Variants in ERI1 observed in about 807,000 individuals in gnomAD.
ERI1 encodes the protein 3'-5' exoribonuclease 1.
In ERI1, 39 loss-of-function variants were observed where a neutral mutation model predicts 39.7. The ratio of observed to expected loss-of-function variants is 0.98; its 90% CI spans 0.76 to 1.28. The LOEUF (loss-of-function observed/expected upper bound fraction) is 1.28. ERI1 is among the 50% of genes most tolerant of loss of function. The pLI is 0.00. For missense variants in ERI1, 581 were observed against 416.9 expected (o/e 1.39, Z -3.43); for synonymous variants, 204 against 149.6 (o/e 1.36, Z -2.65).
intron 6 of ERI1, among the ~76,000 whole-genome samples, chr8:9,023,625 A>G (rs1368484733): frequency 1.3e-5 from 2 of 151,986 alleles, no homozygotes; most frequent in South Asian, 4.1e-4. Flanking sequence ...ATAGATAACT[A>G]TAATGCAATT....
In ERI1 at chr8:9,002,961, C is replaced by T. The variant is rs1225457742; in HGVS notation, c.-103C>T. 2.4e-6 allele frequency: 2 copies of T among 844,858 alleles called. No homozygotes were observed. The highest frequency in any genetic ancestry group is 3.2e-6 in the Non-Finnish European group (2 of 632,138). The allele number at this position is 844,858 out of a possible 1,614,324, so 52.3% of individuals were successfully genotyped here. A position where few individuals can be genotyped will look rare whatever the true frequency, so the allele number is the denominator to read the frequency against. On this transcript the variant is annotated 5_prime_UTR_variant, in exon 1 of 7. Transcript: ENST00000250263. ...GTGGCCGCCGCCGCGGGAACGCGAG[C>T]CCGGTAATTTTTCAACGGAGAAAGG...
chr8:9,020,564 A>C (rs1030185967), intron 6 of ERI1, 100 bp downstream of exon 6: 1 of 713,240 alleles, frequency 1.4e-6, no homozygotes, highest in Non-Finnish European at 2.2e-6. Context: ...TTTTCATGGA[A>C]AAAAGCCATA....
At chr8:9,041,503 G>A (rs1798017371) in intron 3 of ERI1, among the ~76,000 whole-genome samples, 1 of 152,058 alleles carries the variant, frequency 6.6e-6, no homozygotes, top group Admixed American at 6.6e-5. Context: ...TGACTACAAC[G>A]GAATTAAACT....
intron 3 of ERI1, among the ~76,000 whole-genome samples, chr8:9,067,025 A>G (rs1219992411): frequency 1.3e-5 from 2 of 152,184 alleles, no homozygotes; most frequent in African/African-American, 2.4e-5. Context: ...AAACCTGGCC[A>G]AGGCATTTTA....
chr8:9,050,585 G>C (rs967685650), intron 3 of ERI1, among the ~76,000 whole-genome samples: 5 of 152,072 alleles, frequency 3.3e-5, no homozygotes, highest in African/African-American at 9.7e-5. Flanking sequence ...ATTCCTGTCT[G>C]AGTCCTCATT....
At chr8:9,028,098 T>C (rs1471722637) in intron 6 of ERI1, among the ~76,000 whole-genome samples, 2 of 152,210 alleles carry the variant, frequency 1.3e-5, no homozygotes, top group African/African-American at 4.8e-5. Context: ...ATGGAATGAG[T>C]TGGGAAGTAT....
At position 9,015,034 on chromosome 8, in the gene ERI1, A is replaced by T. The variant is rs28484952; in HGVS notation, c.499-1288A>T. On this transcript the variant is annotated intron_variant, in intron 3 of 6. Coordinates refer to ENST00000250263, the MANE Select transcript of ERI1 (RefSeq NM_153332.4). ...TGTATTTTTAGTAGAGACAGGTTTCACCACTTCGGCCAGGCTGGTCTTGAA... is the reference window on the plus strand; with the variant it reads ...TGTATTTTTAGTAGAGACAGGTTTCTCCACTTCGGCCAGGCTGGTCTTGAA... Among the ~76,000 whole-genome samples, 1,201 of 152,164 alleles carry T rather than the reference A, an allele frequency of 7.9e-3. 16 individuals carry two copies. The highest frequency in any genetic ancestry group is 0.028 in the African/African-American group (1,154 of 41,510).
intron 3 of ERI1, chr8:9,049,968 G>T (rs1295379595): frequency 6.6e-6 from 1 of 152,138 alleles, no homozygotes; most frequent in Non-Finnish European, 1.5e-5. Flanking sequence ...CATTTGGCTA[G>T]GATGAGTTCT....
chr8:9,012,618 A>G (rs1004699101), intron 3 of ERI1, among the ~76,000 whole-genome samples: 1 of 152,240 alleles, frequency 6.6e-6, no homozygotes, highest in African/African-American at 2.4e-5. Context: ...AATGGCAGCT[A>G]TGAAGGCAAA....
intron 4 of ERI1, among the ~76,000 whole-genome samples, chr8:9,016,878 G>T (rs1227797050): frequency 1.3e-5 from 2 of 151,942 alleles, no homozygotes; most frequent in Non-Finnish European, 2.9e-5. Context: ...GTAGAGACCT[G>T]GTTTCGCCAT....
intron 3 of ERI1, among the ~76,000 whole-genome samples, chr8:9,045,676 A>ATT (rs34131409): frequency 0.021 from 2,886 of 138,350 alleles, 50 homozygotes; most frequent in Non-Finnish European, 0.034. Context: ...AATCTATAGA[A>ATT]TTTTTTTTTT....
chr8:9,075,678 C>T (rs558529586), intron 3 of ERI1, among the ~76,000 whole-genome samples: 3 of 152,142 alleles, frequency 2.0e-5, no homozygotes, highest in East Asian at 3.9e-4. Flanking sequence ...CAACCACAGA[C>T]AGGTTAACCC....
intron 3 of ERI1, among the ~76,000 whole-genome samples, chr8:9,085,146 C>T (rs1056141409): frequency 3.3e-5 from 5 of 152,148 alleles, no homozygotes; most frequent in Admixed American, 3.3e-4. Flanking sequence ...CAAATTCCAG[C>T]CTGAGGGCTA....
At chr8:9,005,845 T>A (rs58594457) in intron 1 of ERI1, among the ~76,000 whole-genome samples, 6,257 of 152,326 alleles carry the variant, frequency 0.041, 364 homozygotes, top group African/African-American at 0.12. Context: ...CTCTGTTTGG[T>A]ATAGAAGATT....
intron 3 of ERI1, among the ~76,000 whole-genome samples, chr8:9,067,587 C>T (rs1182517391): frequency 4.0e-5 from 6 of 151,520 alleles, no homozygotes; most frequent in Non-Finnish European, 1.5e-5. Flanking sequence ...CCCAGGACCT[C>T]CAGGCTGCAG....
chr8:9,009,569 C>T (rs1036078690), intron 2 of ERI1, among the ~76,000 whole-genome samples: 2 of 152,120 alleles, frequency 1.3e-5, no homozygotes, highest in Admixed American at 6.5e-5. Context: ...GAGACAGAGT[C>T]TTGCTCTGTC....
chr8:9,025,702 TTG>T (rs771883402), intron 6 of ERI1, among the ~76,000 whole-genome samples: 5 of 147,742 alleles, frequency 3.4e-5, no homozygotes, highest in Admixed American at 1.3e-4. Context: ...TCTTTTTTTT[TTG>T]TGTGTGTGTG....
At position 9,004,077 on chromosome 8, in the gene ERI1, C is replaced by G. The variant is rs115387117; in HGVS notation, c.108+906C>G. On this transcript the variant is annotated intron_variant, in intron 1 of 6. Coordinates refer to ENST00000250263, the MANE Select transcript of ERI1 (RefSeq NM_153332.4). ...GTTTTTTCCCTTTTGTTCCCAGTGC[C>G]CCTCGCTGCCTTGTGTTCTTTGACA... 479 of 1,289,220 alleles carry G rather than the reference C, an allele frequency of 3.7e-4. 4 individuals carry two copies. The African/African-American group carries it at 7.0e-3, about 19-fold the overall frequency. The allele number at this position is 1,289,220 out of a possible 1,614,324, so 79.9% of individuals were successfully genotyped here. A position where few individuals can be genotyped will look rare whatever the true frequency, so the allele number is the denominator to read the frequency against.
chr8:9,003,807 A>G (rs1815642431), intron 1 of ERI1, among the ~76,000 whole-genome samples: 1 of 152,246 alleles, frequency 6.6e-6, no homozygotes, highest in African/African-American at 2.4e-5. Context: ...ATTGTAAGTG[A>G]TTGAATACTA....
Sources: allele counts gnomAD v4.1 joint callset (sites outside exome capture counted in the v4.1 genomes callset), GRCh38; gene constraint gnomAD v4.1.1; transcripts MANE v1.5; gene names NCBI Gene and HGNC (gene_info 2026-07-23, HGNC 2026-07-21).